The following ERC2 variants were observed in gnomAD, a reference collection of about 807,000 sequenced individuals.
ERC2 encodes the protein ELKS/RAB6-interacting/CAST family member 2.
ERC2 carries 42 observed loss-of-function variants against 114.8 expected under a neutral mutation model. That is an observed-to-expected ratio of 0.37 (90% CI 0.29 to 0.47). ERC2 has a LOEUF of 0.47. Among genes scored for constraint, ERC2 ranks in the 20% least tolerant of loss-of-function variants. The pLI, the probability that ERC2 is intolerant of heterozygous loss-of-function variation, is 0.99. For synonymous variants in ERC2, 454 were observed against 425.5 expected (o/e 1.07, Z -0.82); for missense variants, 939 against 1,150.7 (o/e 0.82, Z 2.66).
At chr3:55,852,988 C>T (rs947309832) in intron 14 of ERC2, among the ~76,000 whole-genome samples, 3 of 152,180 alleles carry the variant, frequency 2.0e-5, no homozygotes, top group Non-Finnish European at 2.9e-5. Context: ...CCTATACATG[C>T]CAGTAGCATA....
At chr3:56,402,297 A>G (rs2060548536) in intron 2 of ERC2, among the ~76,000 whole-genome samples, 1 of 152,174 alleles carries the variant, frequency 6.6e-6, no homozygotes, top group Non-Finnish European at 1.5e-5. Context: ...AATTTCTAGA[A>G]AATGGGTAGT....
At chr3:56,092,725 C>T (rs2077860484) in intron 6 of ERC2, among the ~76,000 whole-genome samples, 1 of 152,112 alleles carries the variant, frequency 6.6e-6, no homozygotes, top group Non-Finnish European at 1.5e-5. Flanking sequence ...ATTTGCAAAG[C>T]TATCAATCTT....
chr3:55,679,490 T>C (rs2061960157), intron 17 of ERC2, among the ~76,000 whole-genome samples: 1 of 152,228 alleles, frequency 6.6e-6, no homozygotes, highest in Non-Finnish European at 1.5e-5. Context: ...TAATTATTTA[T>C]ATTCTGTCCC....
At chr3:55,819,678 CTT>C (rs1262032427) in intron 14 of ERC2, among the ~76,000 whole-genome samples, 8 of 152,190 alleles carry the variant, frequency 5.3e-5, no homozygotes, top group Non-Finnish European at 7.3e-5. Flanking sequence ...TGTTCTCCCA[CTT>C]GTGGGATAGC....
At chr3:56,242,563 T>G (rs2051395563) in intron 3 of ERC2, among the ~76,000 whole-genome samples, 1 of 152,132 alleles carries the variant, frequency 6.6e-6, no homozygotes, top group African/African-American at 2.4e-5. Context: ...AATGAATACT[T>G]AGGAACTTTT....
chr3:56,184,208 A>T (rs2083455603), intron 3 of ERC2, among the ~76,000 whole-genome samples: 1 of 152,150 alleles, frequency 6.6e-6, no homozygotes, highest in Non-Finnish European at 1.5e-5. Flanking sequence ...AATTAATAGA[A>T]TGAAATTCTA....
chr3:55,699,163 A>G (rs978089146), intron 16 of ERC2, among the ~76,000 whole-genome samples: 3 of 152,214 alleles, frequency 2.0e-5, no homozygotes, highest in Admixed American at 6.5e-5. Context: ...AAGAAAATGC[A>G]TAACATAAAC....
chr3:55,724,127 G>GT (rs758246937), intron 15 of ERC2, among the ~76,000 whole-genome samples: 1 of 152,312 alleles, frequency 6.6e-6, no homozygotes, highest in South Asian at 2.1e-4. Context: ...GCTGCAGGAG[G>GT]TAAGTGCCAA....
intron 14 of ERC2, among the ~76,000 whole-genome samples, chr3:55,883,161 C>T (rs538442440): frequency 6.6e-6 from 1 of 152,266 alleles, no homozygotes; most frequent in African/African-American, 2.4e-5. Flanking sequence ...TTTTCAAATA[C>T]TTTTTGAGTG....
Position 55,755,371 on chromosome 3 carries a change from A to T in ERC2, c.2565-20453T>A, listed in dbSNP as rs540086436. Reference sequence around the variant, plus strand: ...AGGTTAATAAAGATTATTGTCAGGAACCTCAGTGATACTCCAAAGCATGAG... The same window carrying T: ...AGGTTAATAAAGATTATTGTCAGGATCCTCAGTGATACTCCAAAGCATGAG... On this transcript the variant is annotated intron_variant, in intron 14 of 17. Coordinates refer to ENST00000288221, the MANE Select transcript of ERC2 (RefSeq NM_015576.3). Among the ~76,000 whole-genome samples the T allele has an allele frequency of 6.2e-4, 95 of 152,256 alleles. 1 individual carries two copies. Among genetic ancestry groups the T allele is most frequent in the Middle Eastern group, 3.4e-3 (1 of 294 alleles).
chr3:55,890,274 G>C (rs1347979397), intron 13 of ERC2, among the ~76,000 whole-genome samples: 2 of 152,088 alleles, frequency 1.3e-5, no homozygotes, highest in East Asian at 3.9e-4. Context: ...GAAAATAGCA[G>C]TGACCCCCAA....
At chr3:55,851,257 C>G (rs1422644668) in intron 14 of ERC2, among the ~76,000 whole-genome samples, 1 of 152,078 alleles carries the variant, frequency 6.6e-6, no homozygotes, top group Non-Finnish European at 1.5e-5. Flanking sequence ...GGGTACTGGC[C>G]TGGAGCAGGC....
At chr3:56,396,679 T>TTTTTG (rs1156972547) in intron 2 of ERC2, among the ~76,000 whole-genome samples, 2 of 152,224 alleles carry the variant, frequency 1.3e-5, no homozygotes, top group Admixed American at 6.5e-5. Context: ...TTTTAGGGTT[T>TTTTTG]TTTTGTTTTG....
intron 14 of ERC2, among the ~76,000 whole-genome samples, chr3:55,786,558 T>C (rs769591336): frequency 1.3e-5 from 2 of 152,234 alleles, no homozygotes; most frequent in Non-Finnish European, 2.9e-5. Flanking sequence ...CCAAGTACTT[T>C]ACATAAATGG....
intron 14 of ERC2, among the ~76,000 whole-genome samples, chr3:55,864,446 T>C (rs2062203099): frequency 6.6e-6 from 1 of 151,982 alleles, no homozygotes; most frequent in African/African-American, 2.4e-5. Context: ...ATAGTGGATC[T>C]TCCAAAAAGT....
intron 17 of ERC2, among the ~76,000 whole-genome samples, chr3:55,640,923 C>G (rs1200902761): frequency 1.3e-5 from 2 of 152,160 alleles, no homozygotes; most frequent in Non-Finnish European, 2.9e-5. Flanking sequence ...CGACATAGGA[C>G]TAGTCAATTA....
chr3:56,331,457 T>C (rs1242099554), intron 2 of ERC2, among the ~76,000 whole-genome samples: 3 of 152,308 alleles, frequency 2.0e-5, no homozygotes, highest in African/African-American at 7.2e-5. Context: ...GCAATAGTCT[T>C]GAATAAAATC....
At chr3:55,917,982 G>A (rs922605643) in intron 13 of ERC2, among the ~76,000 whole-genome samples, 3 of 151,870 alleles carry the variant, frequency 2.0e-5, no homozygotes, top group South Asian at 4.2e-4. Context: ...CTGAAATCTC[G>A]GTGGCTTATT....
chr3:56,442,530 T>A (rs1239249035), intron 1 of ERC2, among the ~76,000 whole-genome samples: 1 of 152,104 alleles, frequency 6.6e-6, no homozygotes, highest in African/African-American at 2.4e-5. Flanking sequence ...CAAGAAGTAT[T>A]TATTAAGTAC....
Sources: gnomAD v4.1 joint callset for allele counts (sites outside exome capture counted in the v4.1 genomes callset) on GRCh38, gnomAD v4.1.1 for gene constraint, MANE v1.5 for transcripts, NCBI Gene and HGNC (gene_info 2026-07-23, HGNC 2026-07-21) for gene names.